LRPPRC: variants seen among roughly 807,000 people sequenced by gnomAD.
LRPPRC encodes the protein leucine-rich PPR motif-containing protein, mitochondrial.
A neutral mutation model predicts 180.3 loss-of-function variants in LRPPRC; 120 were observed. The ratio of observed to expected loss-of-function variants is 0.67; its 90% confidence interval spans 0.57 to 0.77. The LOEUF is 0.77. Among genes scored for constraint, LRPPRC ranks in the 30% least tolerant of loss-of-function variants. The pLI is 0.00. For missense variants in LRPPRC, 2,012 were observed against 1,657.2 expected (o/e 1.21, Z -3.72); for synonymous variants, 723 against 600.0 (o/e 1.21, Z -3.00).
intron 13 of LRPPRC, among the ~76,000 whole-genome samples, chr2:43,959,857 C>T (rs996060484): frequency 4.6e-5 from 7 of 152,036 alleles, no homozygotes; most frequent in African/African-American, 1.7e-4. Flanking sequence ...GCATTCCAGC[C>T]TAGGTGACAG....
intron 32 of LRPPRC, among the ~76,000 whole-genome samples, chr2:43,900,711 A>C (rs569874909): frequency 1.5e-4 from 23 of 152,226 alleles, no homozygotes; most frequent in Admixed American, 2.6e-4. Flanking sequence ...AAGATTACTA[A>C]AGAACATTTT....
chr2:43,980,708 T>C (rs1305376546), intron 2 of LRPPRC, among the ~76,000 whole-genome samples: 1 of 152,222 alleles, frequency 6.6e-6, no homozygotes, highest in African/African-American at 2.4e-5. Context: ...GTAAGCTTTA[T>C]CTACATATCC....
chr2:43,908,843 G>A (rs910621990), intron 30 of LRPPRC, among the ~76,000 whole-genome samples: 5 of 152,116 alleles, frequency 3.3e-5, no homozygotes, highest in Non-Finnish European at 5.9e-5. Context: ...CCAAAACTAT[G>A]GCTCTCAAGG....
At position 43,895,005 on chromosome 2, in the gene LRPPRC, C is replaced by G. The variant is rs1243543107; in HGVS notation, c.3901-376G>C. Among the ~76,000 whole-genome samples the G allele has an allele frequency of 5.3e-5, 8 of 152,136 alleles. 1 individual carries two copies. Among genetic ancestry groups the G allele is most frequent in the Non-Finnish European group, 1.5e-5 (1 of 68,018 alleles). On this transcript the variant is annotated intron_variant, in intron 35 of 37. Coordinates refer to ENST00000260665, the MANE Select transcript of LRPPRC (RefSeq NM_133259.4). ...CTGGTTGATGAAATTGTAAAGAATT[C>G]AGTTAAAACATTCTGAAGTGTTACA...
chr2:43,889,622 C>CAGAG (rs1670409807), intron 37 of LRPPRC, 112 bp downstream of exon 37: 1 of 947,246 alleles, frequency 1.1e-6, no homozygotes, highest in Admixed American at 1.8e-5. Flanking sequence ...GGGCTCTTCA[C>CAGAG]AGAGATCTAA....
intron 16 of LRPPRC, 71 bp from the exon 17 acceptor site, chr2:43,948,589 T>G: frequency 1.2e-6 from 1 of 832,520 alleles, no homozygotes; most frequent in South Asian, 1.4e-5. Flanking sequence ...GATTAATTTA[T>G]AAGAAATCAT....
Position 43,995,928 on chromosome 2 carries a change from G to C in LRPPRC, c.20C>G (p.Ser7Cys). The change falls in exon 1 of 38, where the codon TCC becomes TGC. Residue 7 changes from serine (S) to cysteine (C), a missense_variant. Physicochemically the swap from Ser to Cys is moderately radical, Grantham distance 112. Coordinates refer to ENST00000260665, the MANE Select transcript of LRPPRC (RefSeq NM_133259.4). ...CCCGGCACGCAGCAACCAACGCGCG[G>C]ATCTCAGCAGGGCTGCCATTGCTCG... MAALLR[S>C]ARWLLRAGAA... The C allele has an allele frequency of 6.6e-7, 1 of 1,520,830 alleles. No individual in the cohort carries two copies. The highest frequency in any genetic ancestry group is 8.8e-7 in the Non-Finnish European group (1 of 1,141,304). The allele number at this position is 1,520,830 out of a possible 1,614,324, so 94.2% of individuals were successfully genotyped here. A position where few individuals can be genotyped will look rare whatever the true frequency, so the allele number is the denominator to read the frequency against.
rs1670296709 is a variant in LRPPRC, at chr2:43,887,143, C to CAAAAAAAAAAAAAAAACAAAAAAAAA, written c.*1456_*1457insTTTTTTTTTGTTTTTTTTTTTTTTTT. 1.4e-5 allele frequency: 1 copy of CAAAAAAAAAAAAAAAACAAAAAAAAA among 73,206 alleles called. No individual in the cohort carries two copies. Among genetic ancestry groups the CAAAAAAAAAAAAAAAACAAAAAAAAA allele is most frequent in the Admixed American group, 1.9e-4 (1 of 5,398 alleles). 4.5% of individuals were successfully genotyped at this position (73,206 alleles called of 1,614,324 possible). On this transcript the variant is annotated 3_prime_UTR_variant, in exon 38 of 38. Coordinates refer to ENST00000260665, the MANE Select transcript of LRPPRC (RefSeq NM_133259.4). ...CTTAAGCAACAGAGCAAGACTATCT[C>CAAAAAAAAAAAAAAAACAAAAAAAAA]AAAAAAAAAAAAAAAAAAAAAGATG...
At chr2:43,958,332 G>C (rs544580339) in intron 13 of LRPPRC, among the ~76,000 whole-genome samples, 2 of 152,296 alleles carry the variant, frequency 1.3e-5, no homozygotes, top group African/African-American at 4.8e-5. Context: ...ATTCATAGTA[G>C]AAGCAAATTC....
chr2:43,919,550 T>C (rs576024483), intron 27 of LRPPRC, among the ~76,000 whole-genome samples: 29 of 152,260 alleles, frequency 1.9e-4, no homozygotes, highest in African/African-American at 5.3e-4. Context: ...GGGAAGGAAA[T>C]AGGCAGATCC....
Position 43,932,123 on chromosome 2 carries a change from C to CAAAAAAAAAAAAAAAAAAAAAAA in LRPPRC, c.2736+2044_2736+2066dup, listed in dbSNP as rs746600862. ...TGGCTAACAAAGCAAGACCCTGTCTCAAAAAAAAAAAAAAAAAAAAAAAAA... is the reference window on the plus strand; with the variant it reads ...TGGCTAACAAAGCAAGACCCTGTCTCAAAAAAAAAAAAAAAAAAAAAAAAAAAAAAAAAAAAAAAAAAAAAAAA... On this transcript the variant is annotated intron_variant, in intron 25 of 37. Transcript: ENST00000260665. Among the ~76,000 whole-genome samples the CAAAAAAAAAAAAAAAAAAAAAAA allele has an allele frequency of 2.4e-4, 5 of 20,846 alleles. 2 individuals are homozygous for CAAAAAAAAAAAAAAAAAAAAAAA. Among genetic ancestry groups the CAAAAAAAAAAAAAAAAAAAAAAA allele is most frequent in the Non-Finnish European group, 3.3e-4 (4 of 12,190 alleles). The allele number at this position is 20,846 out of a possible 152,430, so 13.7% of individuals were successfully genotyped here.
intron 12 of LRPPRC, 68 bp downstream of exon 12, chr2:43,963,520 C>T (rs1673435659): frequency 1.0e-6 from 1 of 972,570 alleles, no homozygotes; most frequent in Non-Finnish European, 1.7e-6. Flanking sequence ...TTTTGTGTGT[C>T]AACACTAAAC....
intron 18 of LRPPRC, 37 bp downstream of exon 18, chr2:43,948,085 A>C: frequency 7.8e-7 from 1 of 1,280,102 alleles, no homozygotes; most frequent in Non-Finnish European, 1.1e-6. Flanking sequence ...TATGTAAGTT[A>C]AGCATTTTAT....
chr2:43,960,491 G>A (rs1176365137), intron 13 of LRPPRC, 50 bp downstream of exon 13: 1 of 1,008,404 alleles, frequency 9.9e-7, no homozygotes, highest in Admixed American at 1.7e-5. Flanking sequence ...GCCCTCAATA[G>A]TAACTGAAAT....
chr2:43,949,020 C>G (rs959567169), intron 16 of LRPPRC, among the ~76,000 whole-genome samples: 2 of 151,982 alleles, frequency 1.3e-5, no homozygotes, highest in Non-Finnish European at 2.9e-5. Flanking sequence ...AATGAAAAAC[C>G]AAGATTAACA....
intron 1 of LRPPRC, among the ~76,000 whole-genome samples, chr2:43,987,605 T>A (rs1674586654): frequency 6.6e-6 from 1 of 152,064 alleles, no homozygotes; most frequent in Non-Finnish European, 1.5e-5. Flanking sequence ...AGACTAATTA[T>A]TTTATTGGGC....
At chr2:43,929,499 T>G (rs187102373) in intron 25 of LRPPRC, among the ~76,000 whole-genome samples, 42 of 152,326 alleles carry the variant, frequency 2.8e-4, no homozygotes, top group African/African-American at 1.0e-3. Context: ...ATTTTAAGCA[T>G]TCATGACATA....
intron 1 of LRPPRC, among the ~76,000 whole-genome samples, chr2:43,983,787 G>A (rs994926144): frequency 1.3e-5 from 2 of 152,064 alleles, no homozygotes; most frequent in African/African-American, 4.8e-5. Context: ...AGTATGTGTT[G>A]TTTTACTAAA....
rs1674046161 is a variant in LRPPRC at position 43,976,183 on chromosome 2, C to T, written c.697G>A (p.Ala233Thr). The T allele has an allele frequency of 6.2e-7, 1 of 1,612,926 alleles. No homozygotes were observed. Among genetic ancestry groups the T allele is most frequent in the Non-Finnish European group, 8.5e-7 (1 of 1,178,928 alleles). The change falls in exon 6 of 38, where the codon GCA (alanine) becomes ACA (threonine). Residue 233 changes from alanine (A) to threonine (T), a missense_variant. Transcript: ENST00000260665. ...CCTGTCACAAGGGCACTGAATACTGCCTCTGTAACTGGGAGATCCTTAGTT... is the reference window on the plus strand; with the variant it reads ...CCTGTCACAAGGGCACTGAATACTGTCTCTGTAACTGGGAGATCCTTAGTT... ...MKTKDLPVTEAVFSALVTGHA... is the reference protein window; with the variant it reads ...MKTKDLPVTETVFSALVTGHA...
Sources: allele counts gnomAD v4.1 joint callset (sites outside exome capture counted in the v4.1 genomes callset), GRCh38; gene constraint gnomAD v4.1.1; transcripts MANE v1.5; gene names NCBI Gene and HGNC (gene_info 2026-07-23, HGNC 2026-07-21).